Variants in ADGRL2 observed in about 807,000 individuals in gnomAD.
ADGRL2 encodes the protein calcium-independent alpha-latrotoxin receptor 2.
ADGRL2 carries 44 observed loss-of-function variants against 157.4 expected under a neutral mutation model. The ratio of observed to expected loss-of-function variants is 0.28; its 90% confidence interval spans 0.22 to 0.36. The LOEUF (loss-of-function observed/expected upper bound fraction) is 0.36. ADGRL2 is among the 10% of genes least tolerant of loss of function. The probability of loss-of-function intolerance (pLI) is 1.00; values close to 1 mark genes in which losing one functional copy is unlikely to be tolerated. For missense variants in ADGRL2, 1,510 were observed against 1,768.9 expected, an observed-to-expected ratio of 0.85 and a Z score of 2.63; for synonymous variants, 585 against 624.7, an observed-to-expected ratio of 0.94 and a Z score of 0.95.
chr1:81,895,568 T>C (rs2094367585), intron 2 of ADGRL2, among the ~76,000 whole-genome samples: 1 of 151,982 alleles, frequency 6.6e-6, no homozygotes, highest in Non-Finnish European at 1.5e-5. Flanking sequence ...AATTTTTTTG[T>C]ATTTTTAGTA....
At chr1:81,952,417 T>G (rs531724895) in intron 9 of ADGRL2, among the ~76,000 whole-genome samples, 193 of 152,282 alleles carry the variant, frequency 1.3e-3, no homozygotes, top group Non-Finnish European at 2.3e-3. Flanking sequence ...TGTAAGTTTA[T>G]AATGCATTAT....
intron 3 of ADGRL2, among the ~76,000 whole-genome samples, chr1:81,680,297 C>T (rs568323837): frequency 4.0e-4 from 61 of 152,304 alleles, no homozygotes; most frequent in Middle Eastern, 6.8e-3. Flanking sequence ...GGAATGAAAA[C>T]TTAAATCTCT....
At chr1:81,503,250 G>A (rs2078894775) in intron 2 of ADGRL2, 4 of 1,614,076 alleles carry the variant, frequency 2.5e-6, no homozygotes, top group East Asian at 2.2e-5. Flanking sequence ...ACCTGACCAC[G>A]AGTAGCATTG....
At chr1:81,982,898 T>C (rs1662064238) in intron 19 of ADGRL2, among the ~76,000 whole-genome samples, 1 of 152,046 alleles carries the variant, frequency 6.6e-6, no homozygotes, top group Non-Finnish European at 1.5e-5. Flanking sequence ...GTCTTGGTTA[T>C]ACAGCATTTC....
At chr1:81,557,368 A>G (rs1359481631) in intron 2 of ADGRL2, 2 of 177,020 alleles carry the variant, frequency 1.1e-5, no homozygotes, top group Non-Finnish European at 2.6e-5. Context: ...ATTTTTTGTA[A>G]GAAAAAGCAT....
chr1:81,651,047 T>C (rs1057261980), intron 3 of ADGRL2, among the ~76,000 whole-genome samples: 1 of 152,164 alleles, frequency 6.6e-6, no homozygotes, highest in Non-Finnish European at 1.5e-5. Flanking sequence ...ACATTTTCAT[T>C]AAAATTACAG....
intron 2 of ADGRL2, among the ~76,000 whole-genome samples, chr1:81,564,302 C>T (rs2080510465): frequency 6.6e-6 from 1 of 152,142 alleles, no homozygotes; most frequent in Non-Finnish European, 1.5e-5. Flanking sequence ...TAGGATTGGG[C>T]ACAGCTGAAT....
intron 3 of ADGRL2, among the ~76,000 whole-genome samples, chr1:81,624,556 C>G (rs953174159): frequency 6.6e-6 from 1 of 151,822 alleles, no homozygotes; most frequent in Non-Finnish European, 1.5e-5. Flanking sequence ...CCCCACCCCC[C>G]CCAAAAATAA....
chr1:81,846,891 G>A (rs1428266635), intron 2 of ADGRL2, among the ~76,000 whole-genome samples: 6 of 151,864 alleles, frequency 4.0e-5, no homozygotes, highest in Non-Finnish European at 8.8e-5. Context: ...GTGATGAGGC[G>A]ATGTTGACAG....
At chr1:81,952,804 A>G (rs75593342) in intron 9 of ADGRL2, among the ~76,000 whole-genome samples, 183 bp from the exon 10 acceptor site, 12,232 of 152,048 alleles carry the variant, frequency 0.08, 577 homozygotes, top group African/African-American at 0.14. Flanking sequence ...TATACTTCAT[A>G]AAATAGAATA....
At chr1:81,590,036 C>T (rs150686581) in intron 3 of ADGRL2, among the ~76,000 whole-genome samples, 61 of 152,264 alleles carry the variant, frequency 4.0e-4, no homozygotes, top group African/African-American at 7.2e-4. Context: ...CTTATATCTA[C>T]CAATCCTAAA....
chr1:81,559,796 G>T (rs2080399278), intron 2 of ADGRL2, among the ~76,000 whole-genome samples: 1 of 152,144 alleles, frequency 6.6e-6, no homozygotes, highest in Non-Finnish European at 1.5e-5. Context: ...TATGCCAGGA[G>T]CATCTTCAGA....
At chr1:81,927,254 G>A (rs1168788200) in intron 3 of ADGRL2, among the ~76,000 whole-genome samples, 1 of 151,938 alleles carries the variant, frequency 6.6e-6, no homozygotes, top group African/African-American at 2.4e-5. Flanking sequence ...TACTTGGGGA[G>A]TGAGGACTTT....
chr1:81,452,151 C>T (rs1008788219), intron 2 of ADGRL2, among the ~76,000 whole-genome samples: 5 of 152,086 alleles, frequency 3.3e-5, no homozygotes, highest in African/African-American at 9.7e-5. Context: ...TAACTTTCTC[C>T]TTGTGACTTA....
chr1:81,902,619 T>TG (rs1227788261), intron 2 of ADGRL2, among the ~76,000 whole-genome samples: 1 of 151,310 alleles, frequency 6.6e-6, no homozygotes, highest in Non-Finnish European at 1.5e-5. Flanking sequence ...AAACAAAGGG[T>TG]GGGGGGCAGT....
chr1:81,892,232 A>T (rs545360718), intron 2 of ADGRL2, among the ~76,000 whole-genome samples: 1 of 152,242 alleles, frequency 6.6e-6, no homozygotes, highest in South Asian at 2.1e-4. Context: ...CAAGTCAGTT[A>T]ACTCCTTGTC....
At chr1:81,755,826 TA>T (rs2085669361) in intron 1 of ADGRL2, among the ~76,000 whole-genome samples, 1 of 151,798 alleles carries the variant, frequency 6.6e-6, no homozygotes, top group South Asian at 2.1e-4. Context: ...CCTGCTGTAT[TA>T]AGCCCAAACG....
intron 1 of ADGRL2, among the ~76,000 whole-genome samples, chr1:81,332,540 A>C (rs981122062): frequency 1.3e-5 from 2 of 152,084 alleles, no homozygotes; most frequent in Non-Finnish European, 2.9e-5. Context: ...TTAAATTCAA[A>C]CCTCCTCATG....
chr1:81,511,630 C>T (rs1461759835), intron 2 of ADGRL2, among the ~76,000 whole-genome samples: 5 of 151,994 alleles, frequency 3.3e-5, no homozygotes, highest in African/African-American at 1.2e-4. Context: ...AGTAATCTCA[C>T]TTTTTTCATC....
Sources: gnomAD v4.1 joint callset for allele counts (sites outside exome capture counted in the v4.1 genomes callset) on GRCh38, gnomAD v4.1.1 for gene constraint, MANE v1.5 for transcripts, NCBI Gene and HGNC (gene_info 2026-07-23, HGNC 2026-07-21) for gene names.